Variants in RDH13 observed in about 807,000 individuals in gnomAD.
The protein encoded by RDH13 is retinol dehydrogenase 13 (all-trans and 9-cis).
A neutral mutation model predicts 28.3 loss-of-function variants in RDH13; 35 were observed. That is an observed-to-expected ratio of 1.24 (90% CI 0.95 to 1.64). The LOEUF (loss-of-function observed/expected upper bound fraction) is 1.64, where lower values mean the gene tolerates loss of function less well. Ranked by LOEUF, RDH13 falls within the 40% of genes most tolerant of loss-of-function variation. The pLI is 0.00. For missense variants in RDH13, 514 were observed against 446.3 expected (o/e 1.15, Z -1.37); for synonymous variants, 229 against 198.5 (o/e 1.15, Z -1.29).
intron 6 of RDH13, among the ~76,000 whole-genome samples, chr19:55,045,781 A>G (rs2075205457): frequency 6.7e-6 from 1 of 148,598 alleles, no homozygotes; most frequent in Admixed American, 6.7e-5. Context: ...CCCCATTTCT[A>G]CTAAAAATAC....
chr19:55,063,427 G>A (rs970609062), upstream of RDH13: 7 of 235,930 alleles, frequency 3.0e-5, no homozygotes, highest in Non-Finnish European at 4.1e-5. Context: ...GTGACCCTCT[G>A]TGTGTCTTTC....
At chr19:55,059,530 G>A (rs2075745151) in intron 1 of RDH13, among the ~76,000 whole-genome samples, 1 of 151,832 alleles carries the variant, frequency 6.6e-6, no homozygotes, top group Admixed American at 6.6e-5. Flanking sequence ...TTCCCGGCCA[G>A]GTGAGGGGGC....
upstream of RDH13, among the ~76,000 whole-genome samples, chr19:55,066,647 CTT>C (rs1568750481): frequency 4.0e-5 from 5 of 126,370 alleles, no homozygotes; most frequent in African/African-American, 1.1e-4. Flanking sequence ...CTCTCTCCCT[CTT>C]TCTCTTTCTC....
In RDH13 at chr19:55,054,477, T is replaced by C. The variant is rs185414071; in HGVS notation, c.340+2176A>G. On this transcript the variant is annotated intron_variant, in intron 3 of 6. Transcript: ENST00000415061. ...GGCATGGTGGCACCCGCCTATAGTC[T>C]TGGGAGGCTGAGGCAGGAGAATCGC... is the stretch of plus-strand genomic sequence containing the variant. Among the ~76,000 whole-genome samples the C allele has an allele frequency of 5.1e-4, 78 of 152,186 alleles. No homozygotes were observed. In the East Asian group the frequency reaches 0.015, roughly 29 times the overall value.
chr19:55,046,110 G>T (rs1010712711), intron 6 of RDH13, among the ~76,000 whole-genome samples: 1 of 151,402 alleles, frequency 6.6e-6, no homozygotes, highest in Non-Finnish European at 1.5e-5. Context: ...GCTGGGTGTG[G>T]TGGTGGGCGC....
intron 2 of RDH13, among the ~76,000 whole-genome samples, chr19:55,057,873 C>T (rs1463976431): frequency 2.0e-5 from 3 of 150,694 alleles, no homozygotes; most frequent in African/African-American, 7.3e-5. Context: ...GGCGCCATCA[C>T]AGCTCATTCA....
chr19:55,047,994 G>T, intron 5 of RDH13: 1 of 1,291,458 alleles, frequency 7.7e-7, no homozygotes, highest in Non-Finnish European at 1.0e-6. Flanking sequence ...TGATCACTGT[G>T]TTTCCAGGCA....
intron 1 of RDH13, among the ~76,000 whole-genome samples, chr19:55,062,717 A>C (rs1167122445): frequency 6.6e-6 from 1 of 151,762 alleles, no homozygotes; most frequent in African/African-American, 2.4e-5. Context: ...CAAAACAACA[A>C]AATAAAGAGT....
chr19:55,049,788 T>G (rs1454633683), intron 3 of RDH13, among the ~76,000 whole-genome samples: 1 of 63,408 alleles, frequency 1.6e-5, no homozygotes. Flanking sequence ...AAACTCCATC[T>G]CAAAAAAAAA....
At chr19:55,063,211 G>A, upstream of RDH13, 2 of 462,936 alleles carry the variant, frequency 4.3e-6, no homozygotes, top group Non-Finnish European at 3.7e-6. Flanking sequence ...CGGAGGGGGC[G>A]GGGATCCTAG....
At chr19:55,043,096 G>A (rs1408654816), downstream of RDH13, 1 of 152,268 alleles carries the variant, frequency 6.6e-6, no homozygotes, top group Admixed American at 6.5e-5. Context: ...TAGCCATTTG[G>A]TGTGGCATCG....
At chr19:55,052,523 CAA>C (rs1472651624) in intron 3 of RDH13, among the ~76,000 whole-genome samples, 11 of 144,414 alleles carry the variant, frequency 7.6e-5, no homozygotes, top group Non-Finnish European at 1.3e-4. Flanking sequence ...GCCTGGGCAA[CAA>C]GAGCAAAACT....
chr19:55,063,004 G>C lies in RDH13; in HGVS notation c.29C>G (p.Ala10Gly), dbSNP rs1315870448. MSRYLLPLS[A>G]LGTVAGAAVL... ...GGCGGCGCCTGCTACCGTGCCCAGC[G>C]CCGACAGCGGCAGCAGGTAGCGGCT... The change falls in exon 1 of 7, where the codon GCG becomes GGG. Residue 10 changes from alanine to glycine, a missense_variant. By Grantham distance (60) the Ala-to-Gly change is moderately conservative. Transcript: ENST00000415061. 1 of 1,468,264 alleles carries C rather than the reference G, an allele frequency of 6.8e-7. No homozygotes were observed. The highest frequency in any genetic ancestry group is 1.4e-5 in the South Asian group (1 of 73,542). The allele number at this position is 1,468,264 out of a possible 1,614,324, so 91.0% of individuals were successfully genotyped here.
intron 1 of RDH13, 24 bp from the exon 2 acceptor site, chr19:55,059,299 C>T: frequency 1.3e-6 from 2 of 1,505,580 alleles, no homozygotes; most frequent in South Asian, 2.4e-5. Context: ...GCGGCACGGT[C>T]AGTCCTGTGG....
chr19:55,042,236 A>G (rs1004574598), downstream of RDH13: 2 of 152,018 alleles, frequency 1.3e-5, no homozygotes, highest in East Asian at 1.9e-4. Context: ...GCCACCTAAC[A>G]TCCTCCGTCC....
chr19:55,066,697 CT>C (rs556039941), upstream of RDH13, among the ~76,000 whole-genome samples: 1 of 150,578 alleles, frequency 6.6e-6, no homozygotes, highest in African/African-American at 2.4e-5. Context: ...CTCTCTCCTT[CT>C]TTCTTCCTCT....
At chr19:55,048,098 T>A in intron 5 of RDH13, 1 of 1,512,130 alleles carries the variant, frequency 6.6e-7, no homozygotes, top group Admixed American at 2.0e-5. Context: ...GGGAAGGACA[T>A]CTGATCCAGG....
intron 5 of RDH13, chr19:55,048,109 C>CAA (rs1440452965): frequency 5.2e-5 from 80 of 1,524,410 alleles, no homozygotes; most frequent in Non-Finnish European, 6.9e-5. Context: ...CTGATCCAGG[C>CAA]AGACTAGACC....
Position 55,056,575 on chromosome 19 carries a change from G to A in RDH13, c.340+78C>T. On this transcript the variant is annotated intron_variant, in intron 3 of 6. Transcript: ENST00000415061. ...CAAAACTCTGCTCTAAAGTTTGCTT[G>A]CTTCATTCACTTCTCAGAGCCTGGC... The A allele has an allele frequency of 2.0e-6, 3 of 1,529,006 alleles. No individual in the cohort carries two copies. In the Admixed American group the frequency reaches 6.1e-5, roughly 31 times the overall value. The allele number at this position is 1,529,006 out of a possible 1,614,324, so 94.7% of individuals were successfully genotyped here. A position where few individuals can be genotyped will look rare whatever the true frequency, so the allele number is the denominator to read the frequency against.
Sources: allele counts gnomAD v4.1 joint callset (sites outside exome capture counted in the v4.1 genomes callset), GRCh38; gene constraint gnomAD v4.1.1; transcripts MANE v1.5; gene names NCBI Gene and HGNC (gene_info 2026-07-23, HGNC 2026-07-21).